The following FBXO2 variants were observed in gnomAD, a reference collection of about 807,000 sequenced individuals.
FBXO2 encodes the protein F-box protein 2.
Under a neutral mutation model 38.6 loss-of-function variants are expected in FBXO2, and 32 were observed. That is an observed-to-expected ratio of 0.83 (90% CI 0.62 to 1.11). FBXO2 has a LOEUF of 1.11. Ranked by LOEUF, FBXO2 falls within the 50% of genes most tolerant of loss-of-function variation. The pLI is 0.00. For missense variants in FBXO2, 450 were observed against 418.3 expected (o/e 1.08, Z -0.66); for synonymous variants, 189 against 182.9 (o/e 1.03, Z -0.27).
chr1:11,651,945 C>A (rs143382318), intron 1 of FBXO2, among the ~76,000 whole-genome samples: 2 of 152,136 alleles, frequency 1.3e-5, no homozygotes, highest in Non-Finnish European at 2.9e-5. Context: ...GTGATCCACC[C>A]GCCTCAGCCT....
chr1:11,649,156 G>T lies in FBXO2; in HGVS notation c.687C>A (p.Asn229Lys). 1.3e-6 allele frequency: 2 copies of T among 1,580,542 alleles called. No homozygotes were observed. The highest frequency in any genetic ancestry group is 1.2e-5 in the South Asian group (1 of 86,476). ...GCCCGCTGCTGAACTCAGCCAGCAC[G>T]TTCTCGTGCTCGGACAGTAGCTTAA... ...LTVKLLSEHE[N>K]VLAEFSSGQV... Residue 229 changes from asparagine to lysine, a missense_variant, in exon 5 of 6, where the codon AAC (asparagine) becomes AAA (lysine). By Grantham distance (94) the Asn-to-Lys change is moderately conservative. Transcript: ENST00000354287.
Position 11,654,422 on chromosome 1 carries a change from C to T in FBXO2, c.-82G>A. ...CCGGGGCGGCGAGTCCCGGCGCTGT[C>T]CGCGTCTGTGTCGGTCCCGGCGACC... On this transcript the variant is annotated 5_prime_UTR_variant, in exon 1 of 6. Coordinates refer to ENST00000354287, the MANE Select transcript of FBXO2 (RefSeq NM_012168.6). 7.7e-7 allele frequency: 1 copy of T among 1,297,292 alleles called. No homozygotes were observed. Among genetic ancestry groups the T allele is most frequent in the Non-Finnish European group, 9.8e-7 (1 of 1,016,824 alleles). The allele number at this position is 1,297,292 out of a possible 1,614,324, so 80.4% of individuals were successfully genotyped here. A position where few individuals can be genotyped will look rare whatever the true frequency, so the allele number is the denominator to read the frequency against.
intron 4 of FBXO2, 25 bp downstream of exon 4, chr1:11,649,754 C>T (rs1639481382): frequency 1.2e-6 from 2 of 1,611,616 alleles, no homozygotes; most frequent in Non-Finnish European, 1.7e-6. Context: ...CCTCCCAGCC[C>T]CATGCCACCC....
At chr1:11,651,996 G>C (rs115075214) in intron 1 of FBXO2, among the ~76,000 whole-genome samples, 2,000 of 152,326 alleles carry the variant, frequency 0.013, 43 homozygotes, top group African/African-American at 0.045. Flanking sequence ...ACCACGCCCG[G>C]CTGACTTTTC....
chr1:11,649,803 T>C lies in FBXO2; in HGVS notation c.593A>G (p.Gln198Arg). The C allele has an allele frequency of 6.2e-7, 1 of 1,613,886 alleles. No homozygotes were observed. The highest frequency in any genetic ancestry group is 8.5e-7 in the Non-Finnish European group (1 of 1,179,994). The change falls in exon 4 of 6, where the codon CAG becomes CGG. Residue 198 changes from glutamine (Q) to arginine (R), a missense_variant. Transcript: ENST00000354287. ...CCAGTCCTTCACCACGATGGCCGGC[T>C]GAGTCGTGTCCAGCAGCTCCTCCCA... is the stretch of plus-strand genomic sequence containing the variant. The part of the protein sequence containing the change: ...GYWEELLDTT[Q>R]PAIVVKDWYS...
Position 11,650,801 on chromosome 1 carries a change from T to G in FBXO2, c.56A>C (p.Glu19Ala). ...SVGQPEEASP[E>A]EQPEEASAEE... ...AGCACTCGCCTCCTCTGGCTGCTCC[T>G]CCGGGCTTGCCTCCTCGGGCTGGCC... Residue 19 changes from glutamate to alanine, a missense_variant, in exon 2 of 6, where the codon GAG (glutamate) becomes GCG (alanine). By Grantham distance (107) the Glu-to-Ala change is moderately radical (BLOSUM62 -1). Transcript: ENST00000354287. 1 of 1,540,852 alleles carries G rather than the reference T, an allele frequency of 6.5e-7. No individual in the cohort carries two copies. Among genetic ancestry groups the G allele is most frequent in the East Asian group, 2.4e-5 (1 of 40,876 alleles).
intron 4 of FBXO2, 73 bp downstream of exon 4, chr1:11,649,706 G>T: frequency 6.6e-7 from 1 of 1,506,332 alleles, no homozygotes; most frequent in South Asian, 1.2e-5. Flanking sequence ...CCAGGCGGGG[G>T]GTTCCCCAGC....
Position 11,654,349 on chromosome 1 carries a change from AG to A in FBXO2, c.-10del. The A allele has an allele frequency of 7.0e-7, 1 of 1,433,354 alleles. No individual in the cohort carries two copies. 88.8% of individuals were successfully genotyped at this position (1,433,354 alleles called of 1,614,324 possible). A position where few individuals can be genotyped will look rare whatever the true frequency, so the allele number is the denominator to read the frequency against. On this transcript the variant is annotated 5_prime_UTR_variant, in exon 1 of 6. Transcript: ENST00000354287. ...TCACCGTCTCCGTCCATCGCTGCGG[AG>A]GGCGGTCGCGAGAGGAGGAGCCGGA...
At position 11,654,380 on chromosome 1, in the gene FBXO2, T is replaced by G; in HGVS notation, c.-40A>C. The G allele has an allele frequency of 2.2e-6, 3 of 1,372,652 alleles. No individual in the cohort carries two copies. The highest frequency in any genetic ancestry group is 1.9e-6 in the Non-Finnish European group (2 of 1,067,314). 85.0% of individuals were successfully genotyped at this position (1,372,652 alleles called of 1,614,324 possible). Reference sequence around the variant, plus strand: ...GTCGCGAGAGGAGGAGCCGGAGCGCTGCGGGCTGCGCGAGTCCCGGGGCGG... The same window carrying G: ...GTCGCGAGAGGAGGAGCCGGAGCGCGGCGGGCTGCGCGAGTCCCGGGGCGG... On this transcript the variant is annotated 5_prime_UTR_variant, in exon 1 of 6. Coordinates refer to ENST00000354287, the MANE Select transcript of FBXO2 (RefSeq NM_012168.6).
At chr1:11,649,398 G>T in intron 4 of FBXO2, 173 bp from the exon 5 acceptor site, 1 of 636,440 alleles carries the variant, frequency 1.6e-6, no homozygotes, top group Non-Finnish European at 2.7e-6. Context: ...GGGAAACGAG[G>T]CCAGCAAGAG....
intron 1 of FBXO2, among the ~76,000 whole-genome samples, chr1:11,651,708 T>G (rs894212210): frequency 6.6e-6 from 1 of 151,404 alleles, no homozygotes; most frequent in Non-Finnish European, 1.5e-5. Context: ...TTTTGACTTT[T>G]TTTTTTTTTT....
intron 2 of FBXO2, 95 bp downstream of exon 2, chr1:11,650,371 G>A: frequency 1.3e-6 from 2 of 1,500,304 alleles, no homozygotes; most frequent in Non-Finnish European, 8.9e-7. Context: ...ACTGAGCCAG[G>A]CGCTTAATCC....
Position 11,650,766 on chromosome 1 carries a change from G to A in FBXO2, c.91C>T (p.Arg31Trp). The A allele has an allele frequency of 2.0e-6, 3 of 1,533,020 alleles. No homozygotes were observed. The highest frequency in any genetic ancestry group is 2.6e-6 in the Non-Finnish European group (3 of 1,145,556). 95.0% of individuals were successfully genotyped at this position (1,533,020 alleles called of 1,614,324 possible). Residue 31 changes from arginine (R) to tryptophan (W), a missense_variant, in exon 2 of 6, where the codon CGG becomes TGG. Transcript: ENST00000354287. ...TCCTCCTCCTGCTGGTCCTCCGGCC[G>A]CTCCTCCTCAGCACTCGCCTCCTCT... ...QPEEASAEEE[R>W]PEDQQEEEAA...
rs1639484214 is a variant in FBXO2, at chr1:11,649,892, A to G, written c.522-18T>C. On this transcript the variant is annotated intron_variant, in intron 3 of 5. Transcript: ENST00000354287. ...GACACCACCTGGGAGAACTGGAGTT[A>G]GGACAGAGCGAACGCTCCCCCCTTC... The G allele has an allele frequency of 1.2e-6, 2 of 1,614,024 alleles. No homozygotes were observed. Among genetic ancestry groups the G allele is most frequent in the Non-Finnish European group, 8.5e-7 (1 of 1,179,986 alleles).
At chr1:11,649,253 G>A in intron 4 of FBXO2, 28 bp from the exon 5 acceptor site, 1 of 1,486,264 alleles carries the variant, frequency 6.7e-7, no homozygotes, top group South Asian at 1.3e-5. Flanking sequence ...GCGAGGTGGG[G>A]GGCGGGAGGT....
In FBXO2 at chr1:11,650,034, G is replaced by A. The variant is rs144918778; in HGVS notation, c.432C>T (p.Asp144=). ...EGWCDVEHGG[D]GWRVEELPGD... ...CAGGCAGCTCCTCCACCCTCCAGCC[G>A]TCCCCACCATGCTCCACGTCACACC... is the stretch of plus-strand genomic sequence containing the variant. The change falls in exon 3 of 6, where the codon GAC becomes GAT. Residue 144 remains aspartate, a synonymous_variant. Transcript: ENST00000354287. 2.9e-4 allele frequency: 464 copies of A among 1,613,960 alleles called. No individual in the cohort carries two copies. In the African/African-American group the frequency reaches 5.3e-3, roughly 18 times the overall value.
At chr1:11,650,128 T>C (rs751552192) in intron 2 of FBXO2, 54 bp from the exon 3 acceptor site, 271 of 1,603,258 alleles carry the variant, frequency 1.7e-4, no homozygotes, top group Non-Finnish European at 2.2e-4. Context: ...TAAGGCTGGC[T>C]CTTGCCACTA....
chr1:11,651,804 G>A (rs61773908), intron 1 of FBXO2, among the ~76,000 whole-genome samples: 1,939 of 152,122 alleles, frequency 0.013, 28 homozygotes, highest in Middle Eastern at 0.024. Context: ...GCTGAGAAGC[G>A]ATTCTTCTGC....
chr1:11,650,041 C>T lies in FBXO2; in HGVS notation c.425G>A (p.Gly142Asp), dbSNP rs764871649. The T allele has an allele frequency of 1.9e-6, 3 of 1,614,146 alleles. No homozygotes were observed. The highest frequency in any genetic ancestry group is 2.5e-6 in the Non-Finnish European group (3 of 1,180,036). The change falls in exon 3 of 6, where the codon GGT becomes GAT. Residue 142 changes from glycine to aspartate, a missense_variant. Transcript: ENST00000354287. ...DLEGWCDVEH[G>D]GDGWRVEELP... ...CTCCTCCACCCTCCAGCCGTCCCCA[C>T]CATGCTCCACGTCACACCAGCCTTC...
Sources: allele counts gnomAD v4.1 joint callset (sites outside exome capture counted in the v4.1 genomes callset), GRCh38; gene constraint gnomAD v4.1.1; transcripts MANE v1.5; gene names NCBI Gene and HGNC (gene_info 2026-07-23, HGNC 2026-07-21).